ATP6V1A: variants seen among roughly 807,000 people sequenced by gnomAD.
ATP6V1A encodes V-type proton ATPase catalytic subunit A.
In ATP6V1A, 18 loss-of-function variants were observed where a neutral mutation model predicts 70.1. The ratio of observed to expected loss-of-function variants is 0.26; its 90% CI spans 0.18 to 0.38. ATP6V1A has a LOEUF of 0.38. ATP6V1A is among the 10% of genes least tolerant of loss of function. The probability of loss-of-function intolerance (pLI) is 1.00; values close to 1 mark genes in which losing one functional copy is unlikely to be tolerated. For missense variants in ATP6V1A, 424 were observed against 772.4 expected, an observed-to-expected ratio of 0.55 and a Z score of 5.35; for synonymous variants, 232 against 253.8, an observed-to-expected ratio of 0.91 and a Z score of 0.82.
intron 8 of ATP6V1A, among the ~76,000 whole-genome samples, chr3:113,791,436 C>G (rs1709091230): frequency 7.2e-6 from 1 of 138,266 alleles, no homozygotes; most frequent in Non-Finnish European, 1.6e-5. Flanking sequence ...TTCATTTATT[C>G]TTTGACAAGT....
intron 1 of ATP6V1A, among the ~76,000 whole-genome samples, chr3:113,768,029 A>G (rs1428263742): frequency 6.6e-6 from 1 of 152,238 alleles, no homozygotes; most frequent in Non-Finnish European, 1.5e-5. Flanking sequence ...AGCTGACACA[A>G]TTTAAATTCC....
rs2712356 is a variant in ATP6V1A at position 113,781,266 on chromosome 3, C to A, written c.211+88C>A. On this transcript the variant is annotated intron_variant, in intron 3 of 14. Transcript: ENST00000273398. The stretch of plus-strand genomic sequence containing the variant: ...GGCATAGTGCCTCACACAAAGTAAT[C>A]CCAGCACTTTGGGAGGCAGGCAGGT... 5.8e-3 allele frequency: 8,135 copies of A among 1,394,370 alleles called. 227 individuals are homozygous for A. The highest frequency in any genetic ancestry group is 0.058 in the South Asian group (4,017 of 69,440). The allele number at this position is 1,394,370 out of a possible 1,614,324, so 86.4% of individuals were successfully genotyped here.
chr3:113,790,302 CAAAAAA>C (rs773821991), intron 8 of ATP6V1A, among the ~76,000 whole-genome samples: 2 of 24,508 alleles, frequency 8.2e-5, no homozygotes, highest in Non-Finnish European at 1.7e-4. Flanking sequence ...GACTCTGTCT[CAAAAAA>C]AAAAAAAAAA....
At chr3:113,782,542 C>CTCTCTATATA (rs749059556) in intron 3 of ATP6V1A, among the ~76,000 whole-genome samples, 11 of 141,166 alleles carry the variant, frequency 7.8e-5, no homozygotes, top group African/African-American at 2.9e-4. Context: ...CTCTCTCTCT[C>CTCTCTATATA]TATATATATA....
At position 113,789,818 on chromosome 3, in the gene ATP6V1A, T is replaced by C. The variant is rs1709072874; in HGVS notation, c.966T>C (p.Ala322=). Residue 322 remains alanine, a synonymous_variant, in exon 8 of 15, where the codon GCT becomes GCC. Transcript: ENST00000273398. ...VANTSNMPVA[A]REASIYTGIT... is the part of the protein sequence containing the mutation. ...ATACCTCCAATATGCCTGTTGCTGCTAGAGAAGCCTCTATTTATACTGGTG... is the reference window on the plus strand; with the variant it reads ...ATACCTCCAATATGCCTGTTGCTGCCAGAGAAGCCTCTATTTATACTGGTG... The C allele has an allele frequency of 6.2e-7, 1 of 1,606,310 alleles. No homozygotes were observed. Among genetic ancestry groups the C allele is most frequent in the South Asian group, 1.1e-5 (1 of 90,922 alleles).
At chr3:113,777,558 C>G (rs1180344360) in intron 1 of ATP6V1A, among the ~76,000 whole-genome samples, 1 of 152,098 alleles carries the variant, frequency 6.6e-6, no homozygotes, top group Non-Finnish European at 1.5e-5. Flanking sequence ...GAGTTTAAGA[C>G]CGGCCTAGGC....
At chr3:113,765,906 G>A (rs1450612490) in intron 1 of ATP6V1A, among the ~76,000 whole-genome samples, 2 of 152,010 alleles carry the variant, frequency 1.3e-5, no homozygotes, top group Admixed American at 1.3e-4. Context: ...CAGCCTGGGT[G>A]ATAGAGCAAG....
chr3:113,753,079 A>G (rs983502607), intron 1 of ATP6V1A, among the ~76,000 whole-genome samples: 1 of 152,190 alleles, frequency 6.6e-6, no homozygotes, highest in African/African-American at 2.4e-5. Context: ...CTTGAGATAT[A>G]TGTAACAGAT....
At chr3:113,774,049 C>T (rs967754168) in intron 1 of ATP6V1A, among the ~76,000 whole-genome samples, 1 of 140,436 alleles carries the variant, frequency 7.1e-6, no homozygotes, top group Non-Finnish European at 1.6e-5. Context: ...ATAAAATGCA[C>T]CTGATAACTA....
rs139136524 is a variant in ATP6V1A, at chr3:113,766,307, G to A, written c.-13-12434G>A. On this transcript the variant is annotated intron_variant, in intron 1 of 14. Coordinates refer to ENST00000273398, the MANE Select transcript of ATP6V1A (RefSeq NM_001690.4). Reference sequence around the variant, plus strand: ...CTTTCTCTCTCTCTTTCTTTTTTTCGCTTCCCTTGAGACAGTCTCGCTCTG... The same window carrying A: ...CTTTCTCTCTCTCTTTCTTTTTTTCACTTCCCTTGAGACAGTCTCGCTCTG... Among the ~76,000 whole-genome samples the A allele has an allele frequency of 3.4e-4, 51 of 150,350 alleles. No individual in the cohort carries two copies. In the East Asian group the frequency reaches 7.0e-3, roughly 21 times the overall value.
chr3:113,805,578 C>CTT, intron 14 of ATP6V1A, 53 bp downstream of exon 14: 12 of 1,318,216 alleles, frequency 9.1e-6, no homozygotes, highest in Non-Finnish European at 1.1e-5. Context: ...TTCTTTTTTT[C>CTT]TTTTTTTTTT....
chr3:113,804,729 GGTGTAATAGGAGTATCC>G (rs1709255771), intron 13 of ATP6V1A, among the ~76,000 whole-genome samples: 1 of 152,300 alleles, frequency 6.6e-6, no homozygotes, highest in African/African-American at 2.4e-5. Context: ...CTTTGGAAAA[GGTGTAATAGGAGTATCC>G]GTGAAATTAT....
At chr3:113,794,740 A>G in intron 8 of ATP6V1A, 132 bp from the exon 9 acceptor site, 1 of 1,009,974 alleles carries the variant, frequency 9.9e-7, no homozygotes, top group Non-Finnish European at 1.4e-6. Flanking sequence ...AAAAAGAGGA[A>G]GAGCAGCTTT....
At chr3:113,755,590 C>T (rs759147910) in intron 1 of ATP6V1A, among the ~76,000 whole-genome samples, 1 of 152,022 alleles carries the variant, frequency 6.6e-6, no homozygotes, top group Non-Finnish European at 1.5e-5. Flanking sequence ...AGAGCCAGAC[C>T]CTGTCTCAGA....
chr3:113,794,488 C>CA (rs1329710593), intron 8 of ATP6V1A, among the ~76,000 whole-genome samples: 1 of 152,182 alleles, frequency 6.6e-6, no homozygotes, highest in African/African-American at 2.4e-5. Context: ...ACTCTTTACT[C>CA]TGTCATTCTG....
Position 113,779,052 on chromosome 3 carries a change from C to CT in ATP6V1A, c.82+220dup, listed in dbSNP as rs1244413091. The stretch of plus-strand genomic sequence containing the variant: ...AAATTTTATAATTATTGAGGTACTA[C>CT]TTTGTGATATCCTGTTTATAATTAT... On this transcript the variant is annotated intron_variant, in intron 2 of 14. Coordinates refer to ENST00000273398, the MANE Select transcript of ATP6V1A (RefSeq NM_001690.4). 3 of 352,110 alleles carry CT rather than the reference C, an allele frequency of 8.5e-6. No individual in the cohort carries two copies. In the East Asian group the frequency reaches 1.4e-4, roughly 16 times the overall value. 21.8% of individuals were successfully genotyped at this position (352,110 alleles called of 1,614,324 possible).
intron 1 of ATP6V1A, among the ~76,000 whole-genome samples, chr3:113,767,966 G>A (rs1308008212): frequency 6.6e-6 from 1 of 152,090 alleles, no homozygotes; most frequent in Non-Finnish European, 1.5e-5. Flanking sequence ...ATTTCTAAAA[G>A]TGACATAAAA....
At chr3:113,763,845 A>G (rs1348705895) in intron 1 of ATP6V1A, among the ~76,000 whole-genome samples, 2 of 140,202 alleles carry the variant, frequency 1.4e-5, no homozygotes, top group Non-Finnish European at 3.2e-5. Flanking sequence ...GTTAACTTCT[A>G]GATAGGGATC....
At chr3:113,778,461 T>G (rs1211803841) in intron 1 of ATP6V1A, among the ~76,000 whole-genome samples, 1 of 152,008 alleles carries the variant, frequency 6.6e-6, no homozygotes, top group African/African-American at 2.4e-5. Context: ...TAGTCATAGC[T>G]ACTTGGGAGG....
Sources: gnomAD v4.1 joint callset for allele counts (sites outside exome capture counted in the v4.1 genomes callset) on GRCh38, gnomAD v4.1.1 for gene constraint, MANE v1.5 for transcripts, NCBI Gene and HGNC (gene_info 2026-07-23, HGNC 2026-07-21) for gene names.